The following NAALADL2 variants were observed in gnomAD, a reference collection of about 807,000 sequenced individuals.
NAALADL2 encodes inactive N-acetylated-alpha-linked acidic dipeptidase-like protein 2.
Under a neutral mutation model 87.2 loss-of-function variants are expected in NAALADL2, and 76 were observed. The ratio of observed to expected loss-of-function variants is 0.87; its 90% CI spans 0.72 to 1.05. NAALADL2 has a LOEUF of 1.05. Ranked by LOEUF, NAALADL2 falls within the 50% of genes least tolerant of loss-of-function variation. The probability of loss-of-function intolerance (pLI) is 0.00; values close to 1 mark genes in which losing one functional copy is unlikely to be tolerated. For missense variants in NAALADL2, 1,089 were observed against 945.8 expected, an observed-to-expected ratio of 1.15 and a Z score of -1.99; for synonymous variants, 354 against 331.0, an observed-to-expected ratio of 1.07 and a Z score of -0.75.
intron 8 of NAALADL2, among the ~76,000 whole-genome samples, chr3:175,468,990 A>G (rs1013652797): frequency 2.6e-5 from 4 of 152,066 alleles, no homozygotes; most frequent in African/African-American, 9.7e-5. Context: ...ACAATGTGGG[A>G]GTTCACAGGA....
At chr3:174,994,476 T>G (rs575738858) in intron 1 of NAALADL2, among the ~76,000 whole-genome samples, 3 of 152,322 alleles carry the variant, frequency 2.0e-5, no homozygotes, top group African/African-American at 4.8e-5. Flanking sequence ...CAGTAATGAT[T>G]ATTTTTTTGA....
At chr3:175,064,304 G>A (rs1272994115) in intron 1 of NAALADL2, among the ~76,000 whole-genome samples, 1 of 151,338 alleles carries the variant, frequency 6.6e-6, no homozygotes, top group Non-Finnish European at 1.5e-5. Flanking sequence ...TTCAAACAAT[G>A]TAGTTTCTTA....
At chr3:174,651,159 A>G (rs1440214232) in intron 2 of NAALADL2, among the ~76,000 whole-genome samples, 1 of 152,174 alleles carries the variant, frequency 6.6e-6, no homozygotes, top group East Asian at 1.9e-4. Flanking sequence ...TGTTCATGGA[A>G]TATGATGATA....
intron 5 of NAALADL2, among the ~76,000 whole-genome samples, chr3:175,343,826 G>T (rs994007665): frequency 2.5e-4 from 38 of 151,706 alleles, no homozygotes; most frequent in African/African-American, 9.2e-4. Flanking sequence ...CAGTAGAAAG[G>T]CAAAAAACAG....
At chr3:174,890,637 C>T (rs1392906804) in intron 1 of NAALADL2, among the ~76,000 whole-genome samples, 1 of 152,108 alleles carries the variant, frequency 6.6e-6, no homozygotes, top group Non-Finnish European at 1.5e-5. Context: ...CAAAAACTAA[C>T]TTGCCTGAGA....
At chr3:174,593,648 T>C (rs965174503) in intron 2 of NAALADL2, among the ~76,000 whole-genome samples, 4 of 152,196 alleles carry the variant, frequency 2.6e-5, no homozygotes, top group African/African-American at 9.6e-5. Flanking sequence ...TACTCTCAGA[T>C]GGTTAATTAT....
intron 1 of NAALADL2, among the ~76,000 whole-genome samples, chr3:175,028,516 C>A (rs116387285): frequency 6.6e-6 from 1 of 151,894 alleles, no homozygotes; most frequent in Non-Finnish European, 1.5e-5. Context: ...TTAATTCAAA[C>A]CAAAGTTCTA....
chr3:174,605,914 A>C (rs1718995267), intron 2 of NAALADL2, among the ~76,000 whole-genome samples: 1 of 151,844 alleles, frequency 6.6e-6, no homozygotes, highest in South Asian at 2.1e-4. Flanking sequence ...ACTGGGAGGC[A>C]CCCCCCAGTA....
intron 1 of NAALADL2, among the ~76,000 whole-genome samples, chr3:175,039,099 G>T (rs1753751568): frequency 6.6e-6 from 1 of 152,068 alleles, no homozygotes; most frequent in Non-Finnish European, 1.5e-5. Flanking sequence ...TTTAAAGAAA[G>T]AAAAATATGT....
At chr3:175,323,749 G>C (rs1760271408) in intron 4 of NAALADL2, among the ~76,000 whole-genome samples, 1 of 151,850 alleles carries the variant, frequency 6.6e-6, no homozygotes, top group Non-Finnish European at 1.5e-5. Flanking sequence ...CGGGTGCAGT[G>C]GCTCACGCCT....
At chr3:174,657,041 C>CTTTTTTTTTTTTTTTTTTTTTT (rs60569510) in intron 2 of NAALADL2, among the ~76,000 whole-genome samples, 1 of 115,818 alleles carries the variant, frequency 8.6e-6, no homozygotes, top group African/African-American at 3.5e-5. Flanking sequence ...TTTCCTTCTT[C>CTTTTTTTTTTTTTTTTTTTTTT]TTTTTTTTTT....
In NAALADL2 at chr3:175,465,387, G is replaced by A. The variant is rs898037619; in HGVS notation, c.1328-1592G>A. ...AGACAATTCCAAGCAAAACTTTTGA[G>A]ACATTTATGGGAGATAAGTGAATAA... On this transcript the variant is annotated intron_variant, in intron 7 of 13. Transcript: ENST00000454872. 2.7e-4 allele frequency among the ~76,000 whole-genome samples: 41 copies of A among 151,394 alleles called. 3 individuals carry two copies. The highest frequency in any genetic ancestry group is 1.3e-3 in the Admixed American group (19 of 15,160).
intron 5 of NAALADL2, among the ~76,000 whole-genome samples, chr3:175,348,054 T>G (rs1763341412): frequency 6.6e-6 from 1 of 152,108 alleles, no homozygotes; most frequent in Non-Finnish European, 1.5e-5. Flanking sequence ...AGGTTTCTTT[T>G]GTTTTGTTTT....
intron 3 of NAALADL2, among the ~76,000 whole-genome samples, chr3:174,808,177 C>T (rs1177227344): frequency 1.3e-5 from 2 of 151,966 alleles, no homozygotes; most frequent in Non-Finnish European, 2.9e-5. Context: ...TATCATTTGC[C>T]ATGAACAAAT....
intron 9 of NAALADL2, among the ~76,000 whole-genome samples, chr3:175,575,784 G>T (rs182846324): frequency 2.2e-4 from 33 of 152,276 alleles, no homozygotes; most frequent in African/African-American, 7.5e-4. Flanking sequence ...AGCAACAACA[G>T]CAAGCAAAGC....
At chr3:174,974,738 A>G (rs1024026868) in intron 1 of NAALADL2, among the ~76,000 whole-genome samples, 1 of 152,032 alleles carries the variant, frequency 6.6e-6, no homozygotes, top group African/African-American at 2.4e-5. Context: ...ATTTAATTTT[A>G]CTCACAGGCT....
chr3:174,741,396 A>C (rs569489217), intron 3 of NAALADL2, among the ~76,000 whole-genome samples: 2 of 151,568 alleles, frequency 1.3e-5, no homozygotes, highest in Admixed American at 6.6e-5. Flanking sequence ...AATGCACTTA[A>C]ATAATATAAA....
intron 1 of NAALADL2, among the ~76,000 whole-genome samples, chr3:175,075,271 A>G (rs903880368): frequency 6.6e-6 from 1 of 152,154 alleles, no homozygotes; most frequent in African/African-American, 2.4e-5. Flanking sequence ...AAGAAACAGA[A>G]ACTTAGAATT....
chr3:174,826,357 C>G (rs74549581), intron 3 of NAALADL2, among the ~76,000 whole-genome samples: 2,996 of 152,230 alleles, frequency 0.02, 104 homozygotes, highest in African/African-American at 0.069. Context: ...TTTGCAAGAC[C>G]TCAGACAAGT....
Sources: allele counts gnomAD v4.1 joint callset (sites outside exome capture counted in the v4.1 genomes callset), GRCh38; gene constraint gnomAD v4.1.1; transcripts MANE v1.5; gene names NCBI Gene and HGNC (gene_info 2026-07-23, HGNC 2026-07-21).